Variants in BRCA1 observed in about 807,000 individuals in gnomAD.
The protein encoded by BRCA1 is BRCA1 DNA repair associated.
Under a neutral mutation model 173.7 loss-of-function variants are expected in BRCA1, and 140 were observed. The observed-to-expected ratio is 0.81, with a 90% CI of 0.70 to 0.93. The LOEUF is 0.93. BRCA1 is among the 40% of genes least tolerant of loss of function. The pLI is 0.00. For synonymous variants in BRCA1, 662 were observed against 756.0 expected, an observed-to-expected ratio of 0.88 and a Z score of 2.04; for missense variants, 1,983 against 2,172.5, an observed-to-expected ratio of 0.91 and a Z score of 1.73.
At chr17:43,076,362 A>C (rs1160521173) in intron 13 of BRCA1, 126 bp downstream of exon 13, 1 of 1,142,890 alleles carries the variant, frequency 8.7e-7, no homozygotes, top group Non-Finnish European at 1.3e-6. Context: ...ATCCTAGAGC[A>C]ATAAAAGTGT....
chr17:43,057,729 G>T (rs1229796402), intron 18 of BRCA1, among the ~76,000 whole-genome samples: 1 of 151,542 alleles, frequency 6.6e-6, no homozygotes, highest in Non-Finnish European at 1.5e-5. Context: ...CCAGCTACTC[G>T]GGAGGCTGAG....
rs1555583989 is a variant in BRCA1, at chr17:43,082,410, C to T, written c.4351G>A (p.Glu1451Lys). 1.2e-6 allele frequency: 2 copies of T among 1,613,042 alleles called. No homozygotes were observed. The highest frequency in any genetic ancestry group is 1.7e-6 in the Non-Finnish European group (2 of 1,179,534). ...TTTGGCCAACAATACACACCTTTTTCTGATGTGCTTTGTTCTGGATTTCGC... is the reference window on the plus strand; with the variant it reads ...TTTGGCCAACAATACACACCTTTTTTTGATGTGCTTTGTTCTGGATTTCGC... ...DLRNPEQSTS[E>K]KAVLTSQKSS... Residue 1451 changes from glutamate to lysine, a missense_variant, in exon 12 of 23, where the codon GAA becomes AAA. By Grantham distance (56) the Glu-to-Lys change is moderately conservative. Coordinates refer to ENST00000357654, the MANE Select transcript of BRCA1 (RefSeq NM_007294.4).
intron 3 of BRCA1, chr17:43,110,366 G>A (rs958259890): frequency 5.0e-5 from 11 of 218,036 alleles, no homozygotes; most frequent in African/African-American, 6.8e-5. Flanking sequence ...GTGGGCAGAC[G>A]GGTTAAGCCC....
chr17:43,142,984 A>ATATATG lies in BRCA1; in HGVS notation c.-19-18870_-19-18869insCATATA, dbSNP rs1411619476. Among the ~76,000 whole-genome samples the ATATATG allele has an allele frequency of 1.0e-3, 154 of 149,430 alleles. 1 individual carries two copies. The highest frequency in any genetic ancestry group is 1.9e-3 in the Non-Finnish European group (127 of 67,502). On this transcript the variant is annotated intron_variant, in intron 1 of 7. Transcript: ENST00000634433. ...TGTGTGTGTATATATATGTGTGTAT[A>ATATATG]TATATATGTATATATGTATATATGT...
chr17:43,120,136 A>G (rs997839495), intron 2 of BRCA1, among the ~76,000 whole-genome samples: 3 of 152,208 alleles, frequency 2.0e-5, no homozygotes, highest in Non-Finnish European at 4.4e-5. Context: ...AAAAACAACA[A>G]CCCACCGGGG....
At chr17:43,157,000 T>G (rs2056201383) in intron 1 of BRCA1, among the ~76,000 whole-genome samples, 1 of 152,190 alleles carries the variant, frequency 6.6e-6, no homozygotes, top group Non-Finnish European at 1.5e-5. Context: ...CTACTGTATA[T>G]TTGCATTTTG....
rs1555588774 is a variant in BRCA1 at position 43,092,636 on chromosome 17, G to A, written c.2895C>T (p.Leu965=). The change falls in exon 10 of 23, where the codon CTC becomes CTT. Residue 965 remains leucine (L), a synonymous_variant. Coordinates refer to ENST00000357654, the MANE Select transcript of BRCA1 (RefSeq NM_007294.4). ...SSQFRGNETG[L]ITPNKHGLLQ... ...AAAGTCCATGTTTATTTGGAGTAAT[G>A]AGTCCAGTTTCGTTGCCTCTGAACT... 6.2e-7 allele frequency: 1 copy of A among 1,614,098 alleles called. No individual in the cohort carries two copies. The highest frequency in any genetic ancestry group is 8.5e-7 in the Non-Finnish European group (1 of 1,180,014).
At chr17:43,046,381 C>T (rs2050918893) in intron 22 of BRCA1, among the ~76,000 whole-genome samples, 1 of 151,762 alleles carries the variant, frequency 6.6e-6, no homozygotes, top group African/African-American at 2.4e-5. Flanking sequence ...CAGGTGCCTG[C>T]CACCATGCCA....
At position 43,107,254 on chromosome 17, in the gene BRCA1, G is replaced by A. The variant is rs548565272; in HGVS notation, c.135-721C>T. ...TAATTTTTTTATTTTTAGTAGAGAC[G>A]GGGTTTCACCATGTTAGCCAGGATG... On this transcript the variant is annotated intron_variant, in intron 3 of 22. Transcript: ENST00000357654. Among the ~76,000 whole-genome samples, 13 of 151,158 alleles carry A rather than the reference G, an allele frequency of 8.6e-5. No homozygotes were observed. The South Asian group carries it at 1.5e-3, about 17-fold the overall frequency.
chr17:43,101,176 G>A (rs2054458117), intron 6 of BRCA1, among the ~76,000 whole-genome samples: 1 of 151,134 alleles, frequency 6.6e-6, no homozygotes, highest in African/African-American at 2.4e-5. Flanking sequence ...AATGAATGCT[G>A]GTACTGTGAG....
rs111572667 is a variant in BRCA1 at position 43,110,174 on chromosome 17, G to A, written c.135-3641C>T. 5.3e-3 allele frequency among the ~76,000 whole-genome samples: 807 copies of A among 152,194 alleles called. 11 individuals are homozygous for A. Among genetic ancestry groups the A allele is most frequent in the African/African-American group, 0.016 (657 of 41,532 alleles). ...CTCCCAAAGTGCTGGGATTACAGGC[G>A]TGAGCCACCGCACCCGGCCTCGAAT... On this transcript the variant is annotated intron_variant, in intron 3 of 22. Transcript: ENST00000357654.
chr17:43,129,051 A>G (rs1292407416), upstream of BRCA1, among the ~76,000 whole-genome samples: 1 of 152,038 alleles, frequency 6.6e-6, no homozygotes, highest in Non-Finnish European at 1.5e-5. Context: ...GATTTTGTTG[A>G]GGCTGAAAGA....
chr17:43,127,159 T>C (rs1255507454), upstream of BRCA1, among the ~76,000 whole-genome samples: 2 of 152,206 alleles, frequency 1.3e-5, no homozygotes, highest in Non-Finnish European at 2.9e-5. Flanking sequence ...CGCCCCCTGC[T>C]CCTCAGCGCC....
intron 16 of BRCA1, among the ~76,000 whole-genome samples, chr17:43,065,495 CCT>C (rs1480763041): frequency 3.3e-5 from 5 of 152,022 alleles, no homozygotes; most frequent in East Asian, 3.9e-4. Context: ...ATGGAAAAAC[CCT>C]GTCTCTACTA....
intron 1 of BRCA1, among the ~76,000 whole-genome samples, chr17:43,130,533 C>T (rs955793860): frequency 2.6e-5 from 4 of 152,088 alleles, no homozygotes; most frequent in African/African-American, 7.2e-5. Context: ...AGGCTGGTCT[C>T]GAACTCCTGG....
chr17:43,068,730 A>G (rs2052259037), intron 15 of BRCA1, among the ~76,000 whole-genome samples: 1 of 152,194 alleles, frequency 6.6e-6, no homozygotes, highest in Non-Finnish European at 1.5e-5. Context: ...TATGCTACAG[A>G]TATACATGGC....
At chr17:43,076,689 T>C in intron 12 of BRCA1, 75 bp from the exon 13 acceptor site, 1 of 1,563,754 alleles carries the variant, frequency 6.4e-7, no homozygotes, top group Non-Finnish European at 8.7e-7. Flanking sequence ...AGAATACTGA[T>C]TTTTTTCAAA....
chr17:43,058,655 T>C (rs190133561), intron 18 of BRCA1, among the ~76,000 whole-genome samples: 16 of 152,362 alleles, frequency 1.1e-4, no homozygotes, highest in Admixed American at 9.8e-4. Flanking sequence ...CTGCTAATAC[T>C]GTGCTGTTAT....
At chr17:43,120,993 CT>C (rs2055532780) in intron 2 of BRCA1, among the ~76,000 whole-genome samples, 1 of 151,266 alleles carries the variant, frequency 6.6e-6, no homozygotes, top group Non-Finnish European at 1.5e-5. Flanking sequence ...GAACTTGAAC[CT>C]GGCAGGCGGA....
Sources: gnomAD v4.1 joint callset for allele counts (sites outside exome capture counted in the v4.1 genomes callset) on GRCh38, gnomAD v4.1.1 for gene constraint, MANE v1.5 for transcripts, NCBI Gene and HGNC (gene_info 2026-07-23, HGNC 2026-07-21) for gene names.